RAB30: variants seen among roughly 807,000 people sequenced by gnomAD.
RAB30 encodes ras-related protein Rab-30.
In RAB30, 9 loss-of-function variants were observed where a neutral mutation model predicts 25.1. The ratio of observed to expected loss-of-function variants is 0.36; its 90% confidence interval spans 0.22 to 0.63. The LOEUF (loss-of-function observed/expected upper bound fraction) is 0.63. Among genes scored for constraint, RAB30 ranks in the 20% least tolerant of loss-of-function variants. The pLI is 0.69. For missense variants in RAB30, 140 were observed against 243.5 expected (o/e 0.58, Z 2.83); for synonymous variants, 77 against 86.4 (o/e 0.89, Z 0.60).
chr11:83,071,855 G>GC lies in RAB30; in HGVS notation c.-174dup. On this transcript the variant is annotated 5_prime_UTR_variant, in exon 1 of 5. Transcript: ENST00000527633. The stretch of plus-strand genomic sequence containing the variant: ...AGCTCAGCTGGAGCGAGCGGCAATC[G>GC]CAAGCCCAGCAGCAGCAGGGGGTGG... The GC allele has an allele frequency of 2.7e-6, 1 of 369,618 alleles. No individual in the cohort carries two copies. The highest frequency in any genetic ancestry group is 4.8e-6 in the Non-Finnish European group (1 of 208,444). 22.9% of individuals were successfully genotyped at this position (369,618 alleles called of 1,614,324 possible). A position where few individuals can be genotyped will look rare whatever the true frequency, so the allele number is the denominator to read the frequency against.
intron 1 of RAB30, among the ~76,000 whole-genome samples, chr11:83,004,079 T>C (rs1171532168): frequency 6.6e-6 from 1 of 152,216 alleles, no homozygotes; most frequent in Non-Finnish European, 1.5e-5. Context: ...ACACAGGATT[T>C]ACCAAACATG....
intron 1 of RAB30, among the ~76,000 whole-genome samples, chr11:83,059,541 G>A (rs1297334468): frequency 6.6e-6 from 1 of 152,186 alleles, no homozygotes; most frequent in Non-Finnish European, 1.5e-5. Flanking sequence ...GTTTCAGCAA[G>A]TGACATTCTG....
At chr11:83,033,630 T>C (rs1025628975) in intron 1 of RAB30, among the ~76,000 whole-genome samples, 1 of 152,238 alleles carries the variant, frequency 6.6e-6, no homozygotes, top group Non-Finnish European at 1.5e-5. Flanking sequence ...AACAGAGTTA[T>C]GATTTGAACC....
In RAB30 at chr11:82,980,162, A is replaced by G. The variant is rs1856613974; in HGVS notation, c.*2003T>C. 6.6e-6 allele frequency: 1 copy of G among 152,194 alleles called. No individual in the cohort carries two copies. The highest frequency in any genetic ancestry group is 2.4e-5 in the African/African-American group (1 of 41,466). The allele number at this position is 152,194 out of a possible 1,614,324, so 9.4% of individuals were successfully genotyped here. On this transcript the variant is annotated 3_prime_UTR_variant, in exon 5 of 5. Coordinates refer to ENST00000527633, the MANE Select transcript of RAB30 (RefSeq NM_001286060.2). ...CTTGATTAACTTGTTTTCTGAATAC[A>G]TTTAGTTGCTGGCTTAGTGGAGAGG...
chr11:82,976,763 C>CT lies in RAB30; in HGVS notation c.*5401dup, dbSNP rs1252834327. On this transcript the variant is annotated 3_prime_UTR_variant, in exon 5 of 5. Coordinates refer to ENST00000527633, the MANE Select transcript of RAB30 (RefSeq NM_001286060.2). ...TAAAAAAAGACCAATGAAGAGCCGT[C>CT]TATCAGCCTTGCAAGGGTGAAAGTT... 17 of 152,152 alleles carry CT rather than the reference C, an allele frequency of 1.1e-4. No homozygotes were observed. The highest frequency in any genetic ancestry group is 5.9e-5 in the Non-Finnish European group (4 of 68,034). The allele number at this position is 152,152 out of a possible 1,614,324, so 9.4% of individuals were successfully genotyped here.
chr11:83,058,114 C>G (rs969963975), intron 1 of RAB30, among the ~76,000 whole-genome samples: 1 of 152,158 alleles, frequency 6.6e-6, no homozygotes, highest in African/African-American at 2.4e-5. Flanking sequence ...TACTAATTAC[C>G]CTTCACCCAG....
chr11:83,049,172 G>A (rs1858297886), intron 1 of RAB30, among the ~76,000 whole-genome samples: 1 of 152,142 alleles, frequency 6.6e-6, no homozygotes, highest in Admixed American at 6.5e-5. Flanking sequence ...AGCACTTTGG[G>A]AGGCCAAGGC....
At chr11:82,995,529 G>A (rs536452668) in intron 2 of RAB30, among the ~76,000 whole-genome samples, 20 of 152,264 alleles carry the variant, frequency 1.3e-4, no homozygotes, top group Admixed American at 3.9e-4. Context: ...TTAACTGTCT[G>A]CTAAATAACA....
At chr11:82,998,462 C>T (rs1390921767) in intron 1 of RAB30, among the ~76,000 whole-genome samples, 1 of 150,992 alleles carries the variant, frequency 6.6e-6, no homozygotes, top group Non-Finnish European at 1.5e-5. Context: ...GCACAAGAAT[C>T]GCTTGAACCT....
chr11:83,032,860 A>T (rs1857900716), intron 1 of RAB30, among the ~76,000 whole-genome samples: 3 of 152,244 alleles, frequency 2.0e-5, no homozygotes, highest in Non-Finnish European at 2.9e-5. Flanking sequence ...ATTTATACCC[A>T]ATATTAATTA....
chr11:83,020,828 T>A (rs914208498), intron 1 of RAB30, among the ~76,000 whole-genome samples: 1 of 151,866 alleles, frequency 6.6e-6, no homozygotes, highest in Non-Finnish European at 1.5e-5. Context: ...GACAACCTGC[T>A]TGTAGAGTGG....
intron 1 of RAB30, among the ~76,000 whole-genome samples, chr11:83,049,542 G>A (rs976659413): frequency 2.0e-5 from 3 of 150,256 alleles, no homozygotes; most frequent in African/African-American, 4.9e-5. Context: ...GTTCAGTGGC[G>A]TGATCATAGC....
intron 1 of RAB30, among the ~76,000 whole-genome samples, chr11:83,047,773 T>G (rs968136495): frequency 1.3e-5 from 2 of 152,194 alleles, no homozygotes; most frequent in Non-Finnish European, 2.9e-5. Flanking sequence ...TCTTTCAGTC[T>G]TCCTCTTTTT....
chr11:82,998,530 AGAGT>A (rs1371082646), intron 1 of RAB30, among the ~76,000 whole-genome samples: 3 of 142,576 alleles, frequency 2.1e-5, no homozygotes, highest in African/African-American at 5.8e-5. Context: ...CCTGGGTGAC[AGAGT>A]GAGACTCTGT....
intron 1 of RAB30, among the ~76,000 whole-genome samples, chr11:83,032,882 T>C (rs1379382733): frequency 6.6e-6 from 1 of 151,996 alleles, no homozygotes; most frequent in African/African-American, 2.4e-5. Flanking sequence ...AATGACTTTC[T>C]CATAATCTAT....
At chr11:82,990,586 T>A (rs1442589446) in intron 3 of RAB30, among the ~76,000 whole-genome samples, 1 of 152,196 alleles carries the variant, frequency 6.6e-6, no homozygotes, top group Non-Finnish European at 1.5e-5. Context: ...ATAAATACTT[T>A]CATGACTCTC....
At chr11:83,013,669 C>T (rs1357903495) in intron 1 of RAB30, among the ~76,000 whole-genome samples, 1 of 152,050 alleles carries the variant, frequency 6.6e-6, no homozygotes, top group African/African-American at 2.4e-5. Flanking sequence ...ACTATAATTT[C>T]CCAAGAGAAA....
chr11:83,057,712 C>A (rs996455963), intron 1 of RAB30, among the ~76,000 whole-genome samples: 3 of 152,142 alleles, frequency 2.0e-5, no homozygotes, highest in African/African-American at 7.2e-5. Flanking sequence ...TAACACTATA[C>A]TGAGATGATT....
intron 1 of RAB30, among the ~76,000 whole-genome samples, chr11:83,070,724 TA>T (rs1003187031): frequency 1.1e-4 from 17 of 152,144 alleles, no homozygotes; most frequent in African/African-American, 3.6e-4. Flanking sequence ...TCAGTTCGTT[TA>T]AAAAAACAAC....
Sources: gnomAD v4.1 joint callset for allele counts (sites outside exome capture counted in the v4.1 genomes callset) on GRCh38, gnomAD v4.1.1 for gene constraint, MANE v1.5 for transcripts, NCBI Gene and HGNC (gene_info 2026-07-23, HGNC 2026-07-21) for gene names.